GALK2: variants seen among roughly 807,000 people sequenced by gnomAD.
GALK2 encodes the protein N-acetylgalactosamine kinase.
Under a neutral mutation model 52.4 loss-of-function variants are expected in GALK2, and 36 were observed. That is an observed-to-expected ratio of 0.69 (90% CI 0.53 to 0.91). The LOEUF (loss-of-function observed/expected upper bound fraction) is 0.91, where lower values mean the gene tolerates loss of function less well. GALK2 is among the 40% of genes least tolerant of loss of function. The pLI, the probability that GALK2 is intolerant of heterozygous loss-of-function variation, is 0.00. For missense variants in GALK2, 579 were observed against 559.1 expected (o/e 1.04, Z -0.36); for synonymous variants, 176 against 199.1 (o/e 0.88, Z 0.98).
chr15:49,326,255 ATTTTTTTT>A (rs35381509), intron 9 of GALK2, among the ~76,000 whole-genome samples: 25 of 100,694 alleles, frequency 2.5e-4, no homozygotes, highest in African/African-American at 8.2e-4. Context: ...TATGACAACC[ATTTTTTTT>A]TTTTTTTTTT....
chr15:49,328,090 A>AGCACC lies in GALK2; in HGVS notation c.1310_1314dup (p.Glu439HisfsTer26). ...ATTACCAGAGGAGTGATGGAAGCTT[A>AGCACC]GCACCGGAGAAGCAAAGTTTGTTTG... On this transcript the variant is annotated frameshift_variant, in exon 10 of 10. Coordinates refer to ENST00000560031, the MANE Select transcript of GALK2 (RefSeq NM_002044.4). LOFTEE classifies it high-confidence loss of function. 6.2e-7 allele frequency: 1 copy of AGCACC among 1,614,140 alleles called. No homozygotes were observed. Among genetic ancestry groups the AGCACC allele is most frequent in the Non-Finnish European group, 8.5e-7 (1 of 1,180,014 alleles).
chr15:49,293,273 C>T (rs1226436567), intron 8 of GALK2, among the ~76,000 whole-genome samples: 1 of 152,178 alleles, frequency 6.6e-6, no homozygotes, highest in African/African-American at 2.4e-5. Flanking sequence ...GATTTACCCA[C>T]AAAGTAATGT....
chr15:49,189,332 G>A (rs1372399311), intron 1 of GALK2, among the ~76,000 whole-genome samples: 1 of 152,118 alleles, frequency 6.6e-6, no homozygotes, highest in Non-Finnish European at 1.5e-5. Flanking sequence ...TGATAGAACA[G>A]TATTCTCTAA....
intron 3 of GALK2, among the ~76,000 whole-genome samples, chr15:49,228,682 T>TATATATATATATATACATAC (rs1555409030): frequency 6.9e-5 from 1 of 14,554 alleles, no homozygotes; most frequent in African/African-American, 2.9e-4. Flanking sequence ...TATATATATA[T>TATATATATATATATACATAC]ATATATTTTT....
intron 5 of GALK2, among the ~76,000 whole-genome samples, chr15:49,270,077 TTC>T (rs2030207465): frequency 6.6e-6 from 1 of 152,214 alleles, no homozygotes; most frequent in South Asian, 2.1e-4. Context: ...AACGTAACTA[TTC>T]CTCCCATCTG....
intron 1 of GALK2, among the ~76,000 whole-genome samples, chr15:49,176,605 T>G (rs2457229): frequency 6.6e-6 from 1 of 151,974 alleles, no homozygotes; most frequent in African/African-American, 2.4e-5. Flanking sequence ...TAGAATTTTC[T>G]TCTTTTTATT....
chr15:49,323,725 G>C (rs763475050), intron 9 of GALK2, among the ~76,000 whole-genome samples: 1 of 152,154 alleles, frequency 6.6e-6, no homozygotes, highest in African/African-American at 2.4e-5. Flanking sequence ...TGGAGAGAAG[G>C]GGGGTTGGGA....
rs551524270 is a variant in GALK2 at position 49,175,626 on chromosome 15, T to C, written c.53+5251T>C. Among the ~76,000 whole-genome samples, 13 of 152,118 alleles carry C rather than the reference T, an allele frequency of 8.5e-5. No homozygotes were observed. In the South Asian group the frequency reaches 2.7e-3, roughly 32 times the overall value. ...TTTCTAGTAGGTGAGAAAAGAAAAA[T>C]AGCTCTGAGCCATCTGAGGTATGTT... is the stretch of plus-strand genomic sequence containing the variant. On this transcript the variant is annotated intron_variant, in intron 1 of 9. Coordinates refer to ENST00000560031, the MANE Select transcript of GALK2 (RefSeq NM_002044.4).
chr15:49,328,236 A>C lies in GALK2; in HGVS notation c.*77A>C. ...GGACTTTCTGTGCCACAGTAAATTA[A>C]TCTTCCTTCTGTTTTGTATTATGAT... On this transcript the variant is annotated 3_prime_UTR_variant, in exon 10 of 10. Coordinates refer to ENST00000560031, the MANE Select transcript of GALK2 (RefSeq NM_002044.4). 4 of 1,508,990 alleles carry C rather than the reference A, an allele frequency of 2.7e-6. No homozygotes were observed. Among genetic ancestry groups the C allele is most frequent in the Non-Finnish European group, 3.5e-6 (4 of 1,127,190 alleles). 93.5% of individuals were successfully genotyped at this position (1,508,990 alleles called of 1,614,324 possible). A position where few individuals can be genotyped will look rare whatever the true frequency, so the allele number is the denominator to read the frequency against.
rs766825768 is a variant in GALK2, at chr15:49,250,187, C to T, written c.504+10820C>T. On this transcript the variant is annotated intron_variant, in intron 5 of 9. Coordinates refer to ENST00000560031, the MANE Select transcript of GALK2 (RefSeq NM_002044.4). ...TTCAAGTGCTATTTCTTTATGGCAC[C>T]GGGGAACAAGCATTTCTAACAGTGG... Among the ~76,000 whole-genome samples, 11 of 151,950 alleles carry T rather than the reference C, an allele frequency of 7.2e-5. No individual in the cohort carries two copies. In the East Asian group the frequency reaches 9.6e-4, roughly 13 times the overall value.
chr15:49,179,397 T>G (rs1020832434), intron 1 of GALK2, among the ~76,000 whole-genome samples: 2 of 152,106 alleles, frequency 1.3e-5, no homozygotes, highest in African/African-American at 4.8e-5. Flanking sequence ...ACATTTTCTA[T>G]AATGCCATGA....
chr15:49,261,140 C>G (rs2141625305), intron 5 of GALK2, among the ~76,000 whole-genome samples: 1 of 149,814 alleles, frequency 6.7e-6, no homozygotes, highest in East Asian at 1.9e-4. Context: ...GGCATTGAAT[C>G]TATAAATTAC....
At chr15:49,288,167 C>G (rs1175970412) in intron 7 of GALK2, among the ~76,000 whole-genome samples, 1 of 152,186 alleles carries the variant, frequency 6.6e-6, no homozygotes, top group Non-Finnish European at 1.5e-5. Flanking sequence ...ATTTTACACA[C>G]ATTTGGGGCT....
intron 2 of GALK2, among the ~76,000 whole-genome samples, chr15:49,210,947 A>C (rs547013716): frequency 5.8e-4 from 79 of 135,430 alleles, no homozygotes; most frequent in Non-Finnish European, 1.1e-3. Context: ...GGGTTTCCCA[A>C]TGTTGGCTGT....
At chr15:49,211,174 A>C (rs572376359) in intron 2 of GALK2, among the ~76,000 whole-genome samples, 1 of 152,180 alleles carries the variant, frequency 6.6e-6, no homozygotes, top group African/African-American at 2.4e-5. Context: ...CTGCTTAGAA[A>C]TTTTTTTCAC....
upstream of GALK2, among the ~76,000 whole-genome samples, chr15:49,166,101 T>C (rs1469732348): frequency 6.6e-6 from 1 of 152,084 alleles, no homozygotes; most frequent in Admixed American, 6.6e-5. Context: ...CAAGATAATG[T>C]ATTTCTAAAA....
intron 5 of GALK2, among the ~76,000 whole-genome samples, chr15:49,254,038 T>C (rs117525206): frequency 0.022 from 3,243 of 144,386 alleles, 473 homozygotes; most frequent in Middle Eastern, 0.034. Context: ...GTCTGGCAAA[T>C]TGTAAATAAC....
At chr15:49,221,328 A>G in intron 3 of GALK2, among the ~76,000 whole-genome samples, 1 of 152,126 alleles carries the variant, frequency 6.6e-6, no homozygotes, top group East Asian at 1.9e-4. Flanking sequence ...TTTATTCAAG[A>G]GGGTGTTTGT....
intron 1 of GALK2, among the ~76,000 whole-genome samples, chr15:49,173,300 G>A (rs2085224350): frequency 6.6e-6 from 1 of 152,042 alleles, no homozygotes; most frequent in Non-Finnish European, 1.5e-5. Flanking sequence ...TATACATTTT[G>A]TTTATACATT....
Sources: gnomAD v4.1 joint callset for allele counts (sites outside exome capture counted in the v4.1 genomes callset) on GRCh38, gnomAD v4.1.1 for gene constraint, MANE v1.5 for transcripts, NCBI Gene and HGNC (gene_info 2026-07-23, HGNC 2026-07-21) for gene names.